Variants in LRMDA observed in about 807,000 individuals in gnomAD.
LRMDA encodes the protein leucine-rich melanocyte differentiation-associated protein.
A neutral mutation model predicts 29.8 loss-of-function variants in LRMDA; 18 were observed. The ratio of observed to expected loss-of-function variants is 0.60; its 90% CI spans 0.42 to 0.90. The LOEUF is 0.90. Ranked by LOEUF, LRMDA falls within the 40% of genes least tolerant of loss-of-function variation. LRMDA has a pLI of 0.00. For synonymous variants in LRMDA, 125 were observed against 109.4 expected (o/e 1.14, Z -0.89); for missense variants, 273 against 273.9 (o/e 1.00, Z 0.02).
intron 6 of LRMDA, among the ~76,000 whole-genome samples, chr10:76,341,788 G>A (rs914927072): frequency 2.6e-5 from 4 of 152,102 alleles, no homozygotes; most frequent in African/African-American, 4.8e-5. Context: ...TCCTTTTGTT[G>A]GCTCATTTGG....
At chr10:75,479,458 G>A (rs568307241) in intron 2 of LRMDA, among the ~76,000 whole-genome samples, 1 of 149,444 alleles carries the variant, frequency 6.7e-6, no homozygotes, top group South Asian at 2.1e-4. Context: ...AGTGAGCTGA[G>A]ATCGCACCAC....
At chr10:75,988,106 T>C (rs904163979) in intron 2 of LRMDA, among the ~76,000 whole-genome samples, 7 of 152,232 alleles carry the variant, frequency 4.6e-5, no homozygotes, top group Non-Finnish European at 1.0e-4. Flanking sequence ...TAGCTCCTCT[T>C]AGGATGTTGT....
intron 2 of LRMDA, among the ~76,000 whole-genome samples, chr10:75,755,215 G>T (rs1843017512): frequency 6.6e-6 from 1 of 152,094 alleles, no homozygotes; most frequent in African/African-American, 2.4e-5. Flanking sequence ...TGTGCTCATG[G>T]TCTCAGAAAA....
intron 2 of LRMDA, among the ~76,000 whole-genome samples, chr10:75,965,705 G>A (rs540138801): frequency 6.6e-6 from 1 of 152,194 alleles, no homozygotes; most frequent in African/African-American, 2.4e-5. Context: ...ATGGCATCTT[G>A]ACTTCTCTAA....
rs145424240 is a variant in LRMDA, at chr10:75,589,384, G to A, written c.131+150890G>A. ...TAAGTATTCTATTATATATTTAATA[G>A]GTGTTTGTATTTCCTTTTCTGTGAA... is the stretch of plus-strand genomic sequence containing the variant. On this transcript the variant is annotated intron_variant, in intron 2 of 6. Transcript: ENST00000611255. Among the ~76,000 whole-genome samples, 729 of 152,218 alleles carry A rather than the reference G, an allele frequency of 4.8e-3. 6 individuals are homozygous for A. Among genetic ancestry groups the A allele is most frequent in the African/African-American group, 0.017 (696 of 41,518 alleles).
chr10:76,359,430 C>A (rs377717614), intron 6 of LRMDA, among the ~76,000 whole-genome samples: 36 of 152,252 alleles, frequency 2.4e-4, no homozygotes, highest in African/African-American at 7.2e-4. Context: ...TGATGACATT[C>A]ACAGCAGAGG....
intron 6 of LRMDA, among the ~76,000 whole-genome samples, chr10:76,451,667 G>T: frequency 6.8e-6 from 1 of 147,528 alleles, no homozygotes; most frequent in Non-Finnish European, 1.5e-5. Context: ...TTTTGTGGAG[G>T]AGGGTGGTGG....
intron 5 of LRMDA, among the ~76,000 whole-genome samples, chr10:76,120,314 G>T (rs186014345): frequency 1.3e-3 from 198 of 151,302 alleles, no homozygotes; most frequent in African/African-American, 4.7e-3. Flanking sequence ...TCAGCCTCCT[G>T]AGTAGCTGGG....
chr10:75,764,928 CGTGTGTGTGTGTGTGTGT>C lies in LRMDA; in HGVS notation c.132-271057_132-271040del, dbSNP rs57422251. 1.2e-3 allele frequency among the ~76,000 whole-genome samples: 171 copies of C among 142,848 alleles called. 1 individual carries two copies. Among genetic ancestry groups the C allele is most frequent in the Non-Finnish European group, 2.5e-3 (161 of 65,138 alleles). The allele number at this position is 142,848 out of a possible 152,430, so 93.7% of individuals were successfully genotyped here. A position where few individuals can be genotyped will look rare whatever the true frequency, so the allele number is the denominator to read the frequency against. On this transcript the variant is annotated intron_variant, in intron 2 of 6. Coordinates refer to ENST00000611255, the MANE Select transcript of LRMDA (RefSeq NM_001305581.2). The stretch of plus-strand genomic sequence containing the variant: ...CTCTTTGCCCTCCCTGCAAGAGACA[CGTGTGTGTGTGTGTGTGT>C]GTGTGTGTGTGTGTGTGTGTGTTCA...
chr10:76,201,047 C>T lies in LRMDA; in HGVS notation c.517-123354C>T, dbSNP rs1416675267. On this transcript the variant is annotated intron_variant, in intron 5 of 6. Coordinates refer to ENST00000611255, the MANE Select transcript of LRMDA (RefSeq NM_001305581.2). ...TTTTTATTTCGTAACGCTTAGTGAC[C>T]CCATATTATTAGTATTATTATTTTT... Among the ~76,000 whole-genome samples the T allele has an allele frequency of 3.4e-5, 5 of 147,546 alleles. 1 individual carries two copies. Among genetic ancestry groups the T allele is most frequent in the South Asian group, 4.3e-4 (2 of 4,656 alleles).
intron 2 of LRMDA, among the ~76,000 whole-genome samples, chr10:75,888,207 A>G (rs1250635064): frequency 6.6e-6 from 1 of 152,172 alleles, no homozygotes; most frequent in East Asian, 1.9e-4. Context: ...GAGGCCTGGC[A>G]ACAGTACTGA....
At chr10:76,541,601 G>A (rs1843356580) in intron 6 of LRMDA, among the ~76,000 whole-genome samples, 1 of 152,150 alleles carries the variant, frequency 6.6e-6, no homozygotes, top group South Asian at 2.1e-4. Context: ...CCAGGGGTAA[G>A]AAGATGTTCA....
At chr10:75,750,774 C>T (rs1842956000) in intron 2 of LRMDA, among the ~76,000 whole-genome samples, 2 of 150,720 alleles carry the variant, frequency 1.3e-5, no homozygotes, top group Non-Finnish European at 3.0e-5. Context: ...CAGGCAGAGA[C>T]GCTCCTCACT....
intron 6 of LRMDA, among the ~76,000 whole-genome samples, chr10:76,340,336 C>A (rs1268026937): frequency 6.6e-6 from 1 of 151,560 alleles, no homozygotes; most frequent in Non-Finnish European, 1.5e-5. Flanking sequence ...GCCAATATGG[C>A]AAAACCTTGT....
intron 2 of LRMDA, among the ~76,000 whole-genome samples, chr10:75,559,931 T>G (rs1271379611): frequency 1.5e-5 from 2 of 135,708 alleles, no homozygotes; most frequent in East Asian, 4.7e-4. Context: ...TTTTGGTTAC[T>G]GTAGCCTTGT....
intron 2 of LRMDA, among the ~76,000 whole-genome samples, chr10:75,463,217 C>T (rs1409344060): frequency 1.3e-5 from 2 of 152,086 alleles, no homozygotes; most frequent in Non-Finnish European, 2.9e-5. Flanking sequence ...TGGGTGGGCT[C>T]TAAGGGGTGC....
intron 5 of LRMDA, among the ~76,000 whole-genome samples, chr10:76,112,138 G>C (rs1052537327): frequency 1.3e-5 from 2 of 152,226 alleles, no homozygotes; most frequent in African/African-American, 4.8e-5. Context: ...GGAGCAGGAG[G>C]AGGGGCTGGC....
intron 5 of LRMDA, among the ~76,000 whole-genome samples, chr10:76,158,516 GAA>G (rs3042596): frequency 0.025 from 3,871 of 152,166 alleles, 165 homozygotes; most frequent in African/African-American, 0.089. Flanking sequence ...CTTATGAAAT[GAA>G]AACTGATATA....
At chr10:75,656,560 G>T (rs897664197) in intron 2 of LRMDA, among the ~76,000 whole-genome samples, 1 of 152,060 alleles carries the variant, frequency 6.6e-6, no homozygotes, top group Non-Finnish European at 1.5e-5. Context: ...TTGCTTGGAG[G>T]CAGGAAGATG....
Sources: allele counts gnomAD v4.1 joint callset (sites outside exome capture counted in the v4.1 genomes callset), GRCh38; gene constraint gnomAD v4.1.1; transcripts MANE v1.5; gene names NCBI Gene and HGNC (gene_info 2026-07-23, HGNC 2026-07-21).